The following PCDHA2 variants were observed in gnomAD, a reference collection of about 807,000 sequenced individuals.
PCDHA2 encodes the protein protocadherin alpha 2, also known as protocadherin alpha-2.
In PCDHA2, 58 loss-of-function variants were observed where a neutral mutation model predicts 66.0. The observed-to-expected ratio is 0.88, with a 90% CI of 0.71 to 1.09. The LOEUF (loss-of-function observed/expected upper bound fraction) is 1.09. Ranked by LOEUF, PCDHA2 falls within the 50% of genes least tolerant of loss-of-function variation. The pLI is 0.00. For synonymous variants in PCDHA2, 634 were observed against 554.0 expected, an observed-to-expected ratio of 1.14 and a Z score of -2.03; for missense variants, 1,267 against 1,242.3, an observed-to-expected ratio of 1.02 and a Z score of -0.30.
chr5:141,002,141 A>G (rs1554258528), intron 3 of PCDHA2, among the ~76,000 whole-genome samples: 3 of 152,258 alleles, frequency 2.0e-5, no homozygotes, highest in Admixed American at 6.5e-5. Context: ...TGCCGGCTGC[A>G]CTGACTTAGC....
intron 1 of PCDHA2, among the ~76,000 whole-genome samples, chr5:140,976,863 T>G (rs116630325): frequency 0.028 from 4,205 of 152,320 alleles, 87 homozygotes; most frequent in Non-Finnish European, 0.044. Flanking sequence ...GAGTTTACTG[T>G]CTGACAAAGA....
Position 140,941,319 on chromosome 5 carries a change from C to CT in PCDHA2, c.2389-37615dup, listed in dbSNP as rs70988781. On this transcript the variant is annotated intron_variant, in intron 1 of 3. Transcript: ENST00000526136. Reference sequence around the variant, plus strand: ...TTCTTTCTTTCTTTTTCTTCTTTCTCTTTTTTTTTTTTTTTCAGATGGAGT... The same window carrying CT: ...TTCTTTCTTTCTTTTTCTTCTTTCTCTTTTTTTTTTTTTTTTCAGATGGAGT... Among the ~76,000 whole-genome samples the CT allele has an allele frequency of 1.3e-3, 140 of 104,384 alleles. 3 individuals are homozygous for CT. The highest frequency in any genetic ancestry group is 2.9e-3 in the South Asian group (9 of 3,126). The allele number at this position is 104,384 out of a possible 152,430, so 68.5% of individuals were successfully genotyped here.
chr5:140,823,628 G>C (rs1434058728), intron 1 of PCDHA2: 10 of 1,613,936 alleles, frequency 6.2e-6, no homozygotes, highest in Non-Finnish European at 8.5e-6. Flanking sequence ...GGCAGTGCGC[G>C]CATCCCGTTC....
chr5:140,844,101 A>G lies in PCDHA2; in HGVS notation c.2388+46749A>G, dbSNP rs981033565. Among the ~76,000 whole-genome samples, 6 of 149,238 alleles carry G rather than the reference A, an allele frequency of 4.0e-5. 1 individual carries two copies. In the South Asian group the frequency reaches 1.1e-3, roughly 26 times the overall value. On this transcript the variant is annotated intron_variant, in intron 1 of 3. Transcript: ENST00000526136. ...GGCACTGAACTCTTAATCTTACTCC[A>G]TATGCTGTACTTTGAAATGCATGTT... is the stretch of plus-strand genomic sequence containing the variant.
intron 1 of PCDHA2, among the ~76,000 whole-genome samples, chr5:140,924,989 C>T (rs782768303): frequency 7.9e-5 from 12 of 151,328 alleles, no homozygotes; most frequent in Admixed American, 1.3e-4. Context: ...GTCTGTAATC[C>T]TAGCACTTTA....
At chr5:140,829,270 C>G (rs2150165007) in intron 1 of PCDHA2, 4 of 1,614,142 alleles carry the variant, frequency 2.5e-6, no homozygotes, top group African/African-American at 1.3e-5. Flanking sequence ...CGCCTCACGT[C>G]CCTTTCAAGC....
At position 140,809,171 on chromosome 5, in the gene PCDHA2, A is replaced by G. The variant is rs1554125055; in HGVS notation, c.2388+11819A>G. The G allele has an allele frequency of 5.0e-6, 8 of 1,613,860 alleles. No individual in the cohort carries two copies. The South Asian group carries it at 5.5e-5, about 11-fold the overall frequency. ...CCACGGCGAGCCCGCGCTGACGGCC[A>G]CGGCCACTGTGCTGGTGTCACTTGT... On this transcript the variant is annotated intron_variant, in intron 1 of 3. Coordinates refer to ENST00000526136, the MANE Select transcript of PCDHA2 (RefSeq NM_018905.3).
rs185971380 is a variant in PCDHA2, at chr5:140,858,398, G to T, written c.2388+61046G>T. On this transcript the variant is annotated intron_variant, in intron 1 of 3. Transcript: ENST00000526136. ...ACCATGCCCAATGGTAGATGTGGAC[G>T]GGGAAGATCAGTCTATTGGAGGGGA... The T allele has an allele frequency of 3.4e-5, 54 of 1,574,020 alleles. No homozygotes were observed. In the East Asian group the frequency reaches 1.1e-3, roughly 32 times the overall value.
chr5:140,875,749 G>A (rs782793601), intron 1 of PCDHA2: 3 of 1,614,264 alleles, frequency 1.9e-6, no homozygotes, highest in African/African-American at 1.3e-5. Flanking sequence ...GATCGACCGC[G>A]AGAAGCTGTG....
rs781938191 is a variant in PCDHA2 at position 140,871,499 on chromosome 5, GT to G, written c.2388+74151del. 14 of 1,584,318 alleles carry G rather than the reference GT, an allele frequency of 8.8e-6. No individual in the cohort carries two copies. In the East Asian group the frequency reaches 2.7e-4, roughly 31 times the overall value. On this transcript the variant is annotated intron_variant, in intron 1 of 3. Coordinates refer to ENST00000526136, the MANE Select transcript of PCDHA2 (RefSeq NM_018905.3). ...GGGTCAAATCACCCCGGACAGGTGAGTTTTCTACAGATTCCACCTATCAGGA... is the reference window on the plus strand; with the variant it reads ...GGGTCAAATCACCCCGGACAGGTGAGTTTCTACAGATTCCACCTATCAGGA...
chr5:140,899,981 G>T (rs929559514), intron 1 of PCDHA2, among the ~76,000 whole-genome samples: 3 of 151,734 alleles, frequency 2.0e-5, no homozygotes, highest in African/African-American at 7.3e-5. Flanking sequence ...CTACTTTTTT[G>T]ATTTTTTTTG....
chr5:140,849,542 G>T lies in PCDHA2; in HGVS notation c.2388+52190G>T. On this transcript the variant is annotated intron_variant, in intron 1 of 3. Coordinates refer to ENST00000526136, the MANE Select transcript of PCDHA2 (RefSeq NM_018905.3). ...TGGATGTAAATGACAATGCTCCACAGTTGACTATCAAAACGCTCTCGGTTC... is the reference window on the plus strand; with the variant it reads ...TGGATGTAAATGACAATGCTCCACATTTGACTATCAAAACGCTCTCGGTTC... 3.1e-6 allele frequency: 5 copies of T among 1,598,272 alleles called. No homozygotes were observed. The South Asian group carries it at 5.5e-5, about 18-fold the overall frequency.
At chr5:140,817,791 A>T (rs1003128393) in intron 1 of PCDHA2, among the ~76,000 whole-genome samples, 1 of 152,192 alleles carries the variant, frequency 6.6e-6, no homozygotes, top group Admixed American at 6.5e-5. Flanking sequence ...GCCTGCTGGT[A>T]AAGAAACCTT....
At chr5:140,887,767 A>G (rs782237653) in intron 1 of PCDHA2, among the ~76,000 whole-genome samples, 6 of 152,194 alleles carry the variant, frequency 3.9e-5, no homozygotes, top group African/African-American at 7.2e-5. Context: ...CATATGTTAC[A>G]ATGACACAGG....
In PCDHA2 at chr5:140,849,950, G is replaced by A. The variant is rs2150459734; in HGVS notation, c.2388+52598G>A. The A allele has an allele frequency of 1.4e-5, 22 of 1,598,026 alleles. 5 individuals carry two copies. In the African/African-American group the frequency reaches 2.5e-4, roughly 19 times the overall value. ...TGTCTGCGCGGGACGCTGACGCGCA[G>A]GAGAACGCCCTGGTGTCCTACTCGC... On this transcript the variant is annotated intron_variant, in intron 1 of 3. Transcript: ENST00000526136.
At chr5:140,931,440 AT>A (rs2153608083) in intron 1 of PCDHA2, among the ~76,000 whole-genome samples, 1 of 141,482 alleles carries the variant, frequency 7.1e-6, no homozygotes, top group South Asian at 2.3e-4. Flanking sequence ...AAAATTAGCT[AT>A]TTAAAAGGAA....
intron 1 of PCDHA2, among the ~76,000 whole-genome samples, chr5:140,887,221 C>T (rs149306651): frequency 9.2e-5 from 14 of 151,858 alleles, no homozygotes; most frequent in Non-Finnish European, 1.3e-4. Flanking sequence ...CTCAGCCTCC[C>T]GAGTAGCTGA....
At chr5:140,835,891 C>G in intron 1 of PCDHA2, 1 of 1,611,968 alleles carries the variant, frequency 6.2e-7, no homozygotes, top group African/African-American at 1.3e-5. Flanking sequence ...GGCGAGCGCG[C>G]GCTGTCGAGC....
At chr5:140,980,354 G>A (rs1387213682) in intron 2 of PCDHA2, among the ~76,000 whole-genome samples, 1 of 152,138 alleles carries the variant, frequency 6.6e-6, no homozygotes, top group Non-Finnish European at 1.5e-5. Flanking sequence ...TTCCTGGACT[G>A]GGCGCGGTGG....
Sources: allele counts gnomAD v4.1 joint callset (sites outside exome capture counted in the v4.1 genomes callset), GRCh38; gene constraint gnomAD v4.1.1; transcripts MANE v1.5; gene names NCBI Gene and HGNC (gene_info 2026-07-23, HGNC 2026-07-21).